SPIDR: variants seen among roughly 807,000 people sequenced by gnomAD.
The protein encoded by SPIDR is DNA repair-scaffolding protein.
In SPIDR, 93 loss-of-function variants were observed where a neutral mutation model predicts 104.6. The ratio of observed to expected loss-of-function variants is 0.89; its 90% CI spans 0.75 to 1.06. SPIDR has a LOEUF of 1.06. Among genes scored for constraint, SPIDR ranks in the 50% least tolerant of loss-of-function variants. SPIDR has a pLI of 0.00. For missense variants in SPIDR, 1,154 were observed against 1,111.2 expected (o/e 1.04, Z -0.55); for synonymous variants, 431 against 416.9 (o/e 1.03, Z -0.41).
At chr8:47,526,693 T>C (rs1334585050) in intron 8 of SPIDR, among the ~76,000 whole-genome samples, 1 of 152,138 alleles carries the variant, frequency 6.6e-6, no homozygotes, top group African/African-American at 2.4e-5. Context: ...AGACAGTGTT[T>C]AAATAGGTCA....
rs2074170241 is a variant in SPIDR, at chr8:47,462,853, A to G, written c.1097+22311A>G. Among the ~76,000 whole-genome samples, 4 of 152,186 alleles carry G rather than the reference A, an allele frequency of 2.6e-5. No individual in the cohort carries two copies. The South Asian group carries it at 8.3e-4, about 32-fold the overall frequency. On this transcript the variant is annotated intron_variant, in intron 8 of 19. Transcript: ENST00000297423. ...GATTGACCACGAAAAAACTGGTCAA[A>G]TTACTAGAATCAAAACTGAAGAGAC...
intron 10 of SPIDR, among the ~76,000 whole-genome samples, chr8:47,658,029 C>CAAAAAAAAAAAAAAA (rs34648437): frequency 1.3e-5 from 1 of 76,040 alleles, no homozygotes; most frequent in African/African-American, 5.0e-5. Flanking sequence ...GACCCTGTCT[C>CAAAAAAAAAAAAAAA]AAAAAAAAAA....
At chr8:47,669,828 C>T (rs972830174) in intron 10 of SPIDR, among the ~76,000 whole-genome samples, 1 of 152,002 alleles carries the variant, frequency 6.6e-6, no homozygotes, top group African/African-American at 2.4e-5. Flanking sequence ...GGTGAAACCC[C>T]GTCTCTACTA....
At chr8:47,266,217 G>A (rs948114822) in intron 1 of SPIDR, among the ~76,000 whole-genome samples, 22 of 141,992 alleles carry the variant, frequency 1.5e-4, no homozygotes, top group African/African-American at 3.2e-4. Flanking sequence ...GCAACTTTCC[G>A]CCTCCCCAGT....
chr8:47,359,604 A>G (rs1373013670), intron 5 of SPIDR, among the ~76,000 whole-genome samples: 1 of 152,226 alleles, frequency 6.6e-6, no homozygotes, highest in Admixed American at 6.5e-5. Context: ...AAAATCAATT[A>G]ACTACAGGTA....
At chr8:47,648,362 ATGTTGAGTT>A (rs1321088403) in intron 10 of SPIDR, among the ~76,000 whole-genome samples, 5 of 152,238 alleles carry the variant, frequency 3.3e-5, no homozygotes, top group Non-Finnish European at 5.9e-5. Flanking sequence ...GGTTTTAAAC[ATGTTGAGTT>A]TGTTGAGGGA....
Position 47,352,133 on chromosome 8 carries a change from C to T in SPIDR, c.526-44243C>T, listed in dbSNP as rs571766844. On this transcript the variant is annotated intron_variant, in intron 5 of 19. Coordinates refer to ENST00000297423, the MANE Select transcript of SPIDR (RefSeq NM_001080394.4). ...CTCTACTAAAAATACAAAAATTATC[C>T]GGGCGTGATGGTGCGTGCCTGTAAT... Among the ~76,000 whole-genome samples, 13 of 151,982 alleles carry T rather than the reference C, an allele frequency of 8.6e-5. No individual in the cohort carries two copies. In the South Asian group the frequency reaches 2.5e-3, roughly 29 times the overall value.
At chr8:47,500,366 T>A (rs1420292200) in intron 8 of SPIDR, among the ~76,000 whole-genome samples, 1 of 152,206 alleles carries the variant, frequency 6.6e-6, no homozygotes, top group East Asian at 1.9e-4. Flanking sequence ...CTCATTGTGG[T>A]TTTGATTTGT....
chr8:47,689,182 G>T (rs1001088388), intron 11 of SPIDR, among the ~76,000 whole-genome samples: 1 of 152,234 alleles, frequency 6.6e-6, no homozygotes, highest in African/African-American at 2.4e-5. Flanking sequence ...TGCCTGGCCA[G>T]AGTATGTAAC....
intron 1 of SPIDR, among the ~76,000 whole-genome samples, chr8:47,270,348 G>A (rs371790642): frequency 4.6e-5 from 7 of 151,858 alleles, no homozygotes; most frequent in South Asian, 2.1e-4. Flanking sequence ...TTTCTGAGTC[G>A]GTTTTGCTAG....
intron 7 of SPIDR, among the ~76,000 whole-genome samples, chr8:47,412,694 T>C (rs2063710492): frequency 6.6e-6 from 1 of 152,230 alleles, no homozygotes; most frequent in Non-Finnish European, 1.5e-5. Context: ...CTACAGTATG[T>C]TATCTCATTT....
chr8:47,476,966 G>A (rs2076360846), intron 8 of SPIDR, among the ~76,000 whole-genome samples: 1 of 152,148 alleles, frequency 6.6e-6, no homozygotes, highest in South Asian at 2.1e-4. Context: ...AATATAACCT[G>A]TTTAAATGAG....
intron 5 of SPIDR, among the ~76,000 whole-genome samples, chr8:47,356,501 AATT>A (rs2054580701): frequency 6.6e-6 from 1 of 152,204 alleles, no homozygotes; most frequent in East Asian, 1.9e-4. Context: ...TTCTGCACTT[AATT>A]AGGAAAAATA....
At chr8:47,304,490 G>A (rs2042784319) in intron 5 of SPIDR, among the ~76,000 whole-genome samples, 1 of 152,060 alleles carries the variant, frequency 6.6e-6, no homozygotes, top group African/African-American at 2.4e-5. Flanking sequence ...AACATAGCAA[G>A]ACCTCGTCTC....
Position 47,291,174 on chromosome 8 carries a change from A to G in SPIDR, c.361+37A>G. 2.1e-6 allele frequency: 3 copies of G among 1,412,690 alleles called. No homozygotes were observed. In the South Asian group the frequency reaches 3.8e-5, roughly 18 times the overall value. The allele number at this position is 1,412,690 out of a possible 1,614,324, so 87.5% of individuals were successfully genotyped here. A position where few individuals can be genotyped will look rare whatever the true frequency, so the allele number is the denominator to read the frequency against. ...TGCTCTAGAATAGACAGATTTTGTAACAGGAACATATTGTGTCCAGAAGAT... is the reference window on the plus strand; with the variant it reads ...TGCTCTAGAATAGACAGATTTTGTAGCAGGAACATATTGTGTCCAGAAGAT... On this transcript the variant is annotated intron_variant, in intron 4 of 19. Transcript: ENST00000297423.
chr8:47,683,631 G>A (rs1315301401), intron 11 of SPIDR, among the ~76,000 whole-genome samples: 1 of 152,148 alleles, frequency 6.6e-6, no homozygotes. Flanking sequence ...TACTGGTTGA[G>A]CATCCCTAAT....
At chr8:47,634,960 G>A (rs914457633) in intron 10 of SPIDR, among the ~76,000 whole-genome samples, 4 of 152,198 alleles carry the variant, frequency 2.6e-5, no homozygotes, top group African/African-American at 9.7e-5. Context: ...CCTGGCCCCA[G>A]TAAAGCATTT....
intron 8 of SPIDR, among the ~76,000 whole-genome samples, 168 bp downstream of exon 8, chr8:47,440,710 A>G (rs1172746123): frequency 2.6e-5 from 4 of 152,212 alleles, no homozygotes; most frequent in African/African-American, 9.6e-5. Context: ...ATTGTCTCTG[A>G]TAGCTCATTT....
chr8:47,393,533 G>A (rs1001556475), intron 5 of SPIDR, among the ~76,000 whole-genome samples: 4 of 151,888 alleles, frequency 2.6e-5, no homozygotes, highest in Non-Finnish European at 5.9e-5. Flanking sequence ...CTTCTCCCTG[G>A]AATGTCCTTC....
Sources: allele counts gnomAD v4.1 joint callset (sites outside exome capture counted in the v4.1 genomes callset), GRCh38; gene constraint gnomAD v4.1.1; transcripts MANE v1.5; gene names NCBI Gene and HGNC (gene_info 2026-07-23, HGNC 2026-07-21).